Variants in ASCC3 observed in about 807,000 individuals in gnomAD.
ASCC3 encodes the protein ASC-1 complex subunit P200.
A neutral mutation model predicts 256.3 loss-of-function variants in ASCC3; 158 were observed. The ratio of observed to expected loss-of-function variants is 0.62; its 90% confidence interval spans 0.54 to 0.70. The LOEUF is 0.70. Among genes scored for constraint, ASCC3 ranks in the 30% least tolerant of loss-of-function variants. The pLI is 0.00. For synonymous variants in ASCC3, 948 were observed against 883.4 expected (o/e 1.07, Z -1.30); for missense variants, 2,259 against 2,626.0 (o/e 0.86, Z 3.05).
chr6:100,834,701 C>CA (rs1216729212), intron 4 of ASCC3, among the ~76,000 whole-genome samples: 4 of 151,862 alleles, frequency 2.6e-5, no homozygotes, highest in Non-Finnish European at 5.9e-5. Context: ...AACTTTATAG[C>CA]AAAAAGCTAA....
intron 23 of ASCC3, among the ~76,000 whole-genome samples, chr6:100,643,594 G>A (rs1317800949): frequency 6.6e-6 from 1 of 152,066 alleles, no homozygotes. Context: ...TAAATATCTA[G>A]GTTACATGGC....
intron 36 of ASCC3, among the ~76,000 whole-genome samples, chr6:100,585,217 C>A (rs1317183551): frequency 6.6e-6 from 1 of 152,170 alleles, no homozygotes; most frequent in East Asian, 1.9e-4. Flanking sequence ...TCAGGTACAC[C>A]AATCAGACGC....
chr6:100,628,167 C>T (rs1005282113), intron 27 of ASCC3, among the ~76,000 whole-genome samples, 180 bp from the exon 28 acceptor site: 1 of 151,330 alleles, frequency 6.6e-6, no homozygotes, highest in Non-Finnish European at 1.5e-5. Flanking sequence ...TGCATGATGT[C>T]ACTTAGATGC....
rs775190943 is a variant in ASCC3 at position 100,718,169 on chromosome 6, T to A, written c.1985A>T (p.His662Leu). ...GAAAAGTCCAATGTATGGATTAACA[T>A]GTAAAAATGTGGCAACATCGAGGTA... ...PNYLDVATFL[H>L]VNPYIGLFFF... Residue 662 changes from histidine (H) to leucine (L), a missense_variant, in exon 12 of 42, where the codon CAT becomes CTT. His to Leu is a moderately conservative substitution (Grantham distance 99). Transcript: ENST00000369162. The A allele has an allele frequency of 2.5e-6, 4 of 1,613,714 alleles. No individual in the cohort carries two copies. Among genetic ancestry groups the A allele is most frequent in the Non-Finnish European group, 3.4e-6 (4 of 1,179,768 alleles).
chr6:100,875,910 T>C (rs1773981515), intron 1 of ASCC3, among the ~76,000 whole-genome samples: 1 of 152,042 alleles, frequency 6.6e-6, no homozygotes, highest in Non-Finnish European at 1.5e-5. Flanking sequence ...TGCTATTCTT[T>C]CAAGAAAATG....
chr6:100,848,742 T>C lies in ASCC3; in HGVS notation c.242-35A>G, dbSNP rs150736236. On this transcript the variant is annotated intron_variant, in intron 3 of 41. Coordinates refer to ENST00000369162, the MANE Select transcript of ASCC3 (RefSeq NM_006828.4). ...GACAAAAGAAACAGTATTAGCTCAA[T>C]TGAATCATGGTTCAAGTTACGATCT... 1.7e-3 allele frequency: 2,758 copies of C among 1,593,550 alleles called. 4 individuals are homozygous for C. Among genetic ancestry groups the C allele is most frequent in the Non-Finnish European group, 2.1e-3 (2,511 of 1,169,688 alleles).
At chr6:100,822,066 G>A (rs1445783019) in intron 4 of ASCC3, among the ~76,000 whole-genome samples, 4 of 152,046 alleles carry the variant, frequency 2.6e-5, no homozygotes, top group Non-Finnish European at 5.9e-5. Flanking sequence ...TTCTTTTTGA[G>A]GTGATGAAAA....
At chr6:100,655,993 C>A (rs1266518009) in intron 16 of ASCC3, among the ~76,000 whole-genome samples, 175 bp from the exon 17 acceptor site, 1 of 151,668 alleles carries the variant, frequency 6.6e-6, no homozygotes, top group African/African-American at 2.4e-5. Flanking sequence ...ATCAGTCCTG[C>A]CTCATTTAAT....
Position 100,733,585 on chromosome 6 carries a change from G to A in ASCC3, c.1738-7882C>T, listed in dbSNP as rs545124795. ...TGAACTTTCCAGCCACCAGAATTAT[G>A]AGCCAAATAAATACCTTTTCTTTAT... On this transcript the variant is annotated intron_variant, in intron 10 of 41. Transcript: ENST00000369162. Among the ~76,000 whole-genome samples, 4 of 152,236 alleles carry A rather than the reference G, an allele frequency of 2.6e-5. No homozygotes were observed. The South Asian group carries it at 8.3e-4, about 32-fold the overall frequency.
intron 8 of ASCC3, among the ~76,000 whole-genome samples, chr6:100,777,029 T>G (rs1425423129): frequency 6.6e-6 from 1 of 152,132 alleles, no homozygotes; most frequent in Non-Finnish European, 1.5e-5. Flanking sequence ...TTTTATATTC[T>G]GGAATCCCAC....
chr6:100,798,937 A>G (rs1305454329), intron 7 of ASCC3, 99 bp from the exon 8 acceptor site: 1 of 1,089,662 alleles, frequency 9.2e-7, no homozygotes, highest in Non-Finnish European at 1.3e-6. Context: ...TACTGGTTTT[A>G]TAACAAAGCA....
At chr6:100,616,702 T>A (rs1316754244) in intron 30 of ASCC3, among the ~76,000 whole-genome samples, 1 of 152,188 alleles carries the variant, frequency 6.6e-6, no homozygotes, top group Non-Finnish European at 1.5e-5. Flanking sequence ...ACTTAAAACA[T>A]TCATGGCAAA....
chr6:100,731,196 C>T (rs534021188), intron 10 of ASCC3, among the ~76,000 whole-genome samples: 22 of 152,160 alleles, frequency 1.4e-4, no homozygotes, highest in Middle Eastern at 6.8e-3. Context: ...TGGGGAGAGA[C>T]GTTCTCCTAT....
chr6:100,795,268 C>T (rs1393993605), intron 8 of ASCC3, among the ~76,000 whole-genome samples: 3 of 151,576 alleles, frequency 2.0e-5, no homozygotes, highest in Non-Finnish European at 4.4e-5. Flanking sequence ...TGCTGTCACA[C>T]ATTTTTCCCT....
At chr6:100,699,730 A>T (rs1057370775) in intron 13 of ASCC3, among the ~76,000 whole-genome samples, 2 of 152,122 alleles carry the variant, frequency 1.3e-5, no homozygotes, top group Non-Finnish European at 2.9e-5. Flanking sequence ...AATCTGGGCT[A>T]AGGTGGTCTT....
chr6:100,585,618 G>A (rs972550963), intron 36 of ASCC3, among the ~76,000 whole-genome samples: 1 of 152,144 alleles, frequency 6.6e-6, no homozygotes, highest in Non-Finnish European at 1.5e-5. Flanking sequence ...TTCCGTTGCT[G>A]GTGAGGAACT....
At position 100,590,038 on chromosome 6, in the gene ASCC3, C is replaced by G. The variant is rs756255278; in HGVS notation, c.5325G>C (p.Val1775=). The G allele has an allele frequency of 1.2e-6, 2 of 1,613,164 alleles. No homozygotes were observed. Among genetic ancestry groups the G allele is most frequent in the South Asian group, 2.2e-5 (2 of 91,050 alleles). ...GAAACTTGTTCACAGAATCATGGCT[C>G]ACATCACCCAAATTGTAATAGCTAG... The part of the protein sequence containing the change: ...MNPSYYNLGD[V]SHDSVNKFLS... The change falls in exon 35 of 42, where the codon GTG becomes GTC. Residue 1775 remains valine (V), a synonymous_variant. Coordinates refer to ENST00000369162, the MANE Select transcript of ASCC3 (RefSeq NM_006828.4).
chr6:100,779,453 G>A (rs1411579486), intron 8 of ASCC3, among the ~76,000 whole-genome samples: 1 of 152,044 alleles, frequency 6.6e-6, no homozygotes, highest in African/African-American at 2.4e-5. Context: ...TAAAAAACTG[G>A]AAGAAAATAC....
intron 36 of ASCC3, among the ~76,000 whole-genome samples, chr6:100,562,102 T>C (rs1167856887): frequency 6.6e-6 from 1 of 152,086 alleles, no homozygotes; most frequent in Non-Finnish European, 1.5e-5. Context: ...ATTTCTGAGA[T>C]AAGCTTATAT....
Sources: gnomAD v4.1 joint callset for allele counts (sites outside exome capture counted in the v4.1 genomes callset) on GRCh38, gnomAD v4.1.1 for gene constraint, MANE v1.5 for transcripts, NCBI Gene and HGNC (gene_info 2026-07-23, HGNC 2026-07-21) for gene names.